Variants in EXOC6 observed in about 807,000 individuals in gnomAD.
The protein encoded by EXOC6 is SEC15-like 1.
Under a neutral mutation model 112.5 loss-of-function variants are expected in EXOC6, and 60 were observed. The observed-to-expected ratio is 0.53, with a 90% CI of 0.43 to 0.66. The LOEUF (loss-of-function observed/expected upper bound fraction) is 0.66, where lower values mean the gene tolerates loss of function less well. Ranked by LOEUF, EXOC6 falls within the 30% of genes least tolerant of loss-of-function variation. The probability of loss-of-function intolerance (pLI) is 0.00; values close to 1 mark genes in which losing one functional copy is unlikely to be tolerated. For synonymous variants in EXOC6, 295 were observed against 308.0 expected (o/e 0.96, Z 0.44); for missense variants, 855 against 957.1 (o/e 0.89, Z 1.41).
intron 17 of EXOC6, among the ~76,000 whole-genome samples, chr10:92,965,538 G>C (rs1279924063): frequency 6.6e-6 from 1 of 152,078 alleles, no homozygotes; most frequent in African/African-American, 2.4e-5. Flanking sequence ...TGACCTCCTG[G>C]TAAGGTCATA....
intron 1 of EXOC6, among the ~76,000 whole-genome samples, chr10:92,872,531 C>T (rs1440210992): frequency 6.6e-6 from 1 of 151,934 alleles, no homozygotes; most frequent in African/African-American, 2.4e-5. Flanking sequence ...TCTTCTAAAG[C>T]CTCATGTTAT....
chr10:92,908,687 A>G (rs1257082762), intron 5 of EXOC6, among the ~76,000 whole-genome samples: 2 of 152,212 alleles, frequency 1.3e-5, no homozygotes, highest in African/African-American at 2.4e-5. Flanking sequence ...AATATCTGCC[A>G]TAGAAGTGTA....
intron 20 of EXOC6, 77 bp from the exon 21 acceptor site, chr10:93,056,847 C>T (rs1846565104): frequency 1.3e-6 from 1 of 784,970 alleles, no homozygotes; most frequent in African/African-American, 1.8e-5. Flanking sequence ...TAAAATGGAC[C>T]AAGGATAGCA....
intron 1 of EXOC6, among the ~76,000 whole-genome samples, chr10:92,862,954 A>G (rs1438653763): frequency 2.0e-5 from 3 of 152,170 alleles, no homozygotes; most frequent in Non-Finnish European, 4.4e-5. Flanking sequence ...GTGAAGTGTC[A>G]ATAGTTTGGA....
chr10:93,012,023 C>T (rs770311041), intron 19 of EXOC6, among the ~76,000 whole-genome samples: 1 of 152,118 alleles, frequency 6.6e-6, no homozygotes, highest in Non-Finnish European at 1.5e-5. Flanking sequence ...ATCTAATGAC[C>T]ATAACCTAGC....
intron 7 of EXOC6, among the ~76,000 whole-genome samples, chr10:92,916,399 A>C (rs192317974): frequency 3.2e-4 from 48 of 152,288 alleles, no homozygotes; most frequent in African/African-American, 1.1e-3. Flanking sequence ...AGTCCCAGCT[A>C]CTTGGGAAGC....
At chr10:92,995,685 C>G (rs533961546) in intron 18 of EXOC6, among the ~76,000 whole-genome samples, 1 of 152,242 alleles carries the variant, frequency 6.6e-6, no homozygotes, top group Admixed American at 6.5e-5. Flanking sequence ...CTGCATGTCT[C>G]CCAGACTAAT....
At position 92,848,692 on chromosome 10, in the gene EXOC6, C is replaced by A. The variant is rs1847166685; in HGVS notation, c.101+58C>A. 7.3e-6 allele frequency: 9 copies of A among 1,241,120 alleles called. No homozygotes were observed. The Middle Eastern group carries it at 6.9e-4, about 95-fold the overall frequency. The allele number at this position is 1,241,120 out of a possible 1,614,324, so 76.9% of individuals were successfully genotyped here. A position where few individuals can be genotyped will look rare whatever the true frequency, so the allele number is the denominator to read the frequency against. ...CCCGCCCCACGCCGGCCGCTCCTCA[C>A]GAGCCGGGCGGGGCGTCCGCCGCCG... On this transcript the variant is annotated intron_variant, in intron 1 of 21. Coordinates refer to ENST00000260762, the MANE Select transcript of EXOC6 (RefSeq NM_019053.6).
At chr10:92,833,223 G>C (rs1192087885), upstream of EXOC6, among the ~76,000 whole-genome samples, 1 of 152,156 alleles carries the variant, frequency 6.6e-6, no homozygotes, top group East Asian at 1.9e-4. Context: ...TTCAGTTGGG[G>C]CTTGGCTCAT....
At chr10:92,836,039 G>T (rs1429486923) in intron 1 of EXOC6, among the ~76,000 whole-genome samples, 2 of 152,182 alleles carry the variant, frequency 1.3e-5, no homozygotes, top group Non-Finnish European at 2.9e-5. Flanking sequence ...CTAGGTAGGT[G>T]GTCAAGTGCC....
intron 1 of EXOC6, among the ~76,000 whole-genome samples, chr10:92,874,101 A>C (rs1483582273): frequency 6.6e-6 from 1 of 151,966 alleles, no homozygotes; most frequent in African/African-American, 2.4e-5. Context: ...TTTGGATTCT[A>C]TGTATATACA....
At chr10:92,828,314 C>T (rs1212670115) in intron 1 of EXOC6, among the ~76,000 whole-genome samples, 1 of 152,160 alleles carries the variant, frequency 6.6e-6, no homozygotes, top group African/African-American at 2.4e-5. Flanking sequence ...GGCATTTAGT[C>T]AGCAAACAAG....
At chr10:92,964,751 A>G (rs1841976253) in intron 17 of EXOC6, among the ~76,000 whole-genome samples, 2 of 152,218 alleles carry the variant, frequency 1.3e-5, no homozygotes, top group African/African-American at 4.8e-5. Context: ...TGAGATGTCC[A>G]AAGATAGGGC....
intron 14 of EXOC6, 68 bp from the exon 15 acceptor site, chr10:92,952,205 C>A: frequency 1.1e-6 from 1 of 928,956 alleles, no homozygotes; most frequent in Non-Finnish European, 1.7e-6. Context: ...TTTAATTTTA[C>A]ATTTTTTAGT....
chr10:93,039,970 CT>C (rs1845685836), intron 20 of EXOC6, among the ~76,000 whole-genome samples: 1 of 152,222 alleles, frequency 6.6e-6, no homozygotes. Context: ...TCGTGTTCCC[CT>C]GGTTCCTCAT....
chr10:92,965,369 A>T (rs566919645), intron 17 of EXOC6, among the ~76,000 whole-genome samples: 57 of 152,222 alleles, frequency 3.7e-4, no homozygotes, highest in Non-Finnish European at 6.9e-4. Flanking sequence ...AATTTTTTTT[A>T]AAAGTTCTCA....
At chr10:93,030,974 C>A (rs910768241) in intron 20 of EXOC6, among the ~76,000 whole-genome samples, 2 of 152,126 alleles carry the variant, frequency 1.3e-5, no homozygotes, top group African/African-American at 4.8e-5. Context: ...AACAGTATTA[C>A]TATTTAGTGT....
intron 18 of EXOC6, among the ~76,000 whole-genome samples, chr10:92,975,885 C>G (rs1356424745): frequency 7.1e-6 from 1 of 140,914 alleles, no homozygotes; most frequent in Non-Finnish European, 1.6e-5. Flanking sequence ...AGGAGCCCCT[C>G]TGCCTGGCCA....
At chr10:92,926,371 A>G (rs1013991114) in intron 8 of EXOC6, among the ~76,000 whole-genome samples, 1 of 152,004 alleles carries the variant, frequency 6.6e-6, no homozygotes, top group Non-Finnish European at 1.5e-5. Context: ...TAAATTCTGT[A>G]AGGATAATGG....
Sources: gnomAD v4.1 joint callset for allele counts (sites outside exome capture counted in the v4.1 genomes callset) on GRCh38, gnomAD v4.1.1 for gene constraint, MANE v1.5 for transcripts, NCBI Gene and HGNC (gene_info 2026-07-23, HGNC 2026-07-21) for gene names.